Variants in NPAS3 observed in about 807,000 individuals in gnomAD.
NPAS3 encodes the protein neuronal PAS domain-containing protein 3.
A neutral mutation model predicts 73.1 loss-of-function variants in NPAS3; 14 were observed. The observed-to-expected ratio is 0.19, with a 90% CI of 0.13 to 0.30. The LOEUF (loss-of-function observed/expected upper bound fraction) is 0.30. Ranked by LOEUF, NPAS3 falls within the 10% of genes least tolerant of loss-of-function variation. The pLI is 1.00. For missense variants in NPAS3, 1,096 were observed against 1,250.0 expected, an observed-to-expected ratio of 0.88 and a Z score of 1.86; for synonymous variants, 620 against 541.5, an observed-to-expected ratio of 1.14 and a Z score of -2.01.
At chr14:33,214,549 T>C (rs2047151437) in intron 2 of NPAS3, 1 of 152,260 alleles carries the variant, frequency 6.6e-6, no homozygotes, top group Admixed American at 6.6e-5. Context: ...ATAAGTATGC[T>C]CTTATCAAGC....
chr14:33,213,980 G>A (rs897215841), intron 2 of NPAS3: 5 of 152,088 alleles, frequency 3.3e-5, no homozygotes, highest in Non-Finnish European at 7.4e-5. Context: ...AGAGAACGGA[G>A]CCTTGCTGCT....
At chr14:33,010,169 A>T (rs970774807) in intron 1 of NPAS3, among the ~76,000 whole-genome samples, 1 of 152,218 alleles carries the variant, frequency 6.6e-6, no homozygotes, top group African/African-American at 2.4e-5. Flanking sequence ...CATTTATTCT[A>T]CTGGCTACAC....
intron 4 of NPAS3, among the ~76,000 whole-genome samples, chr14:33,371,690 A>G (rs1444483323): frequency 6.6e-6 from 1 of 152,114 alleles, no homozygotes; most frequent in African/African-American, 2.4e-5. Context: ...CAACGTGTCT[A>G]TGTGTGTGTG....
chr14:33,726,803 T>A (rs1046340394), intron 6 of NPAS3, among the ~76,000 whole-genome samples: 1 of 152,102 alleles, frequency 6.6e-6, no homozygotes, highest in African/African-American at 2.4e-5. Flanking sequence ...AATCACAACA[T>A]TGTCTTCTAG....
At chr14:33,166,595 A>G (rs1226959150) in intron 2 of NPAS3, among the ~76,000 whole-genome samples, 1 of 152,154 alleles carries the variant, frequency 6.6e-6, no homozygotes, top group African/African-American at 2.4e-5. Context: ...AATTGAAGTG[A>G]ATTAAATAAT....
At chr14:33,627,956 C>T (rs1189084586) in intron 5 of NPAS3, among the ~76,000 whole-genome samples, 1 of 152,170 alleles carries the variant, frequency 6.6e-6, no homozygotes, top group Non-Finnish European at 1.5e-5. Context: ...ATCAGAGACT[C>T]GACCCAAAAA....
At chr14:33,140,760 G>A (rs2044016800) in intron 2 of NPAS3, among the ~76,000 whole-genome samples, 1 of 152,180 alleles carries the variant, frequency 6.6e-6, no homozygotes, top group Non-Finnish European at 1.5e-5. Context: ...TAGAACAGCA[G>A]AGAAAATAGC....
chr14:33,604,652 C>T (rs984355911), intron 5 of NPAS3, among the ~76,000 whole-genome samples: 2 of 152,070 alleles, frequency 1.3e-5, no homozygotes, highest in Non-Finnish European at 2.9e-5. Context: ...GCAGAGTACA[C>T]ATTCTTCTCA....
intron 1 of NPAS3, among the ~76,000 whole-genome samples, chr14:32,997,791 C>T (rs1053184631): frequency 6.6e-6 from 1 of 151,174 alleles, no homozygotes; most frequent in African/African-American, 2.4e-5. Flanking sequence ...ATGTGACTTG[C>T]TCCTCCTTGC....
chr14:33,646,111 G>A (rs533502031), intron 5 of NPAS3, among the ~76,000 whole-genome samples: 1 of 152,252 alleles, frequency 6.6e-6, no homozygotes, highest in African/African-American at 2.4e-5. Flanking sequence ...GAGAAAACGA[G>A]GGGTCTGCTG....
chr14:33,308,216 C>G (rs528283252), intron 3 of NPAS3, among the ~76,000 whole-genome samples: 19 of 152,208 alleles, frequency 1.2e-4, no homozygotes, highest in Non-Finnish European at 2.8e-4. Context: ...TCCTTTTCAA[C>G]AAAGGCTGTG....
At chr14:33,347,739 A>C (rs2044813868) in intron 3 of NPAS3, among the ~76,000 whole-genome samples, 1 of 152,200 alleles carries the variant, frequency 6.6e-6, no homozygotes, top group African/African-American at 2.4e-5. Flanking sequence ...CCTCCCATAC[A>C]CTTTAAATCA....
chr14:33,636,668 A>G (rs950722932), intron 5 of NPAS3, among the ~76,000 whole-genome samples: 1 of 152,196 alleles, frequency 6.6e-6, no homozygotes, highest in Admixed American at 6.5e-5. Context: ...CCATGCACCA[A>G]GATTTGATGC....
chr14:33,671,518 G>C (rs577335355), intron 5 of NPAS3, among the ~76,000 whole-genome samples: 1 of 152,286 alleles, frequency 6.6e-6, no homozygotes, highest in East Asian at 1.9e-4. Context: ...GATGGCACTA[G>C]TGACTATGGC....
At chr14:33,297,349 A>G (rs1171565717) in intron 3 of NPAS3, among the ~76,000 whole-genome samples, 1 of 152,192 alleles carries the variant, frequency 6.6e-6, no homozygotes, top group African/African-American at 2.4e-5. Flanking sequence ...CTCCCAGTAG[A>G]TGTAATTTAT....
chr14:33,169,046 T>C (rs1166336936), intron 2 of NPAS3, among the ~76,000 whole-genome samples: 1 of 152,342 alleles, frequency 6.6e-6, no homozygotes, highest in African/African-American at 2.4e-5. Context: ...AAGAGCATGT[T>C]GGGAGTTTTG....
intron 1 of NPAS3, among the ~76,000 whole-genome samples, chr14:32,986,229 G>T (rs939775455): frequency 2.6e-5 from 4 of 152,178 alleles, no homozygotes; most frequent in Admixed American, 2.6e-4. Flanking sequence ...CTCCAAGTGT[G>T]ACCTGTGTTC....
chr14:33,613,128 A>T (rs2057801864), intron 5 of NPAS3, among the ~76,000 whole-genome samples: 1 of 152,196 alleles, frequency 6.6e-6, no homozygotes, highest in Non-Finnish European at 1.5e-5. Context: ...TCAAATATGG[A>T]TAATATAAAA....
chr14:33,115,411 A>G (rs542538033), intron 2 of NPAS3, among the ~76,000 whole-genome samples: 1 of 152,156 alleles, frequency 6.6e-6, no homozygotes, highest in East Asian at 1.9e-4. Flanking sequence ...TGCTTAGTGT[A>G]TGTGACTGTA....
Sources: gnomAD v4.1 joint callset for allele counts (sites outside exome capture counted in the v4.1 genomes callset) on GRCh38, gnomAD v4.1.1 for gene constraint, MANE v1.5 for transcripts, NCBI Gene and HGNC (gene_info 2026-07-23, HGNC 2026-07-21) for gene names.